The following RAB38 variants were observed in gnomAD, a reference collection of about 807,000 sequenced individuals.
RAB38 encodes the protein ras-related protein Rab-38.
A neutral mutation model predicts 18.4 loss-of-function variants in RAB38; 15 were observed. The ratio of observed to expected loss-of-function variants is 0.82; its 90% confidence interval spans 0.55 to 1.26. The LOEUF is 1.26. Among genes scored for constraint, RAB38 ranks in the 50% most tolerant of loss-of-function variants. The probability of loss-of-function intolerance (pLI) is 0.00; values close to 1 mark genes in which losing one functional copy is unlikely to be tolerated. For missense variants in RAB38, 294 were observed against 267.4 expected (o/e 1.10, Z -0.69); for synonymous variants, 101 against 104.4 (o/e 0.97, Z 0.20).
chr11:87,943,937 C>T, the RAB38 span, among the ~76,000 whole-genome samples: 60 of 152,232 alleles, frequency 3.9e-4, no homozygotes, highest in Admixed American at 3.7e-3. Context: ...TCCTGTTTGG[C>T]CAATTGGTAG....
At chr11:87,892,208 A>G in the RAB38 span, among the ~76,000 whole-genome samples, 1 of 151,748 alleles carries the variant, frequency 6.6e-6, no homozygotes, top group Admixed American at 6.6e-5. Context: ...GTCCAAGCTC[A>G]CTCACCAAGG....
the RAB38 span, among the ~76,000 whole-genome samples, chr11:87,968,907 G>A: frequency 1.3e-5 from 2 of 152,156 alleles, no homozygotes; most frequent in East Asian, 3.9e-4. Flanking sequence ...ACAGTAGGAG[G>A]ATGGGGGGCA....
At chr11:87,973,694 A>G in the RAB38 span, among the ~76,000 whole-genome samples, 2 of 142,574 alleles carry the variant, frequency 1.4e-5, no homozygotes, top group South Asian at 5.0e-4. Flanking sequence ...GACTGGCTAC[A>G]CACGTGAAAA....
chr11:88,098,616 T>C, the RAB38 span: 1 of 151,994 alleles, frequency 6.6e-6, no homozygotes, highest in African/African-American at 2.4e-5. Context: ...CTGTTTTTAA[T>C]GCAACATAAC....
the RAB38 span, among the ~76,000 whole-genome samples, chr11:88,051,243 A>T: frequency 6.8e-4 from 103 of 152,126 alleles, 1 homozygote; most frequent in African/African-American, 2.4e-3. Flanking sequence ...CTAAAAAGTG[A>T]TCCCCAGGGT....
At chr11:88,033,978 C>T in the RAB38 span, among the ~76,000 whole-genome samples, 2 of 152,222 alleles carry the variant, frequency 1.3e-5, no homozygotes, top group East Asian at 1.9e-4. Flanking sequence ...CTGCCCACCT[C>T]GGCCTCCCAA....
intron 1 of RAB38, among the ~76,000 whole-genome samples, chr11:88,152,619 C>T (rs1472721910): frequency 6.6e-6 from 1 of 152,192 alleles, no homozygotes; most frequent in Non-Finnish European, 1.5e-5. Flanking sequence ...CTAGCACTCA[C>T]ATTTTCTCCT....
At chr11:87,815,592 A>T in the RAB38 span, 1 of 152,214 alleles carries the variant, frequency 6.6e-6, no homozygotes, top group African/African-American at 2.4e-5. Flanking sequence ...AGCTGTGATG[A>T]TGAAGGGTAA....
chr11:88,053,202 G>A, the RAB38 span, among the ~76,000 whole-genome samples: 2 of 92,096 alleles, frequency 2.2e-5, no homozygotes, highest in Non-Finnish European at 4.1e-5. Context: ...CATATATATG[G>A]AATATATATA....
chr11:87,883,720 G>C, the RAB38 span, among the ~76,000 whole-genome samples: 2 of 151,886 alleles, frequency 1.3e-5, no homozygotes, highest in African/African-American at 4.8e-5. Context: ...AGAGAGGTGT[G>C]CCAGTGGAAG....
At chr11:88,028,607 T>C in the RAB38 span, among the ~76,000 whole-genome samples, 1 of 152,028 alleles carries the variant, frequency 6.6e-6, no homozygotes, top group Non-Finnish European at 1.5e-5. Context: ...GCCGATGCGA[T>C]CAACTGGAAG....
the RAB38 span, among the ~76,000 whole-genome samples, chr11:88,040,270 C>T: frequency 6.6e-6 from 1 of 152,188 alleles, no homozygotes; most frequent in African/African-American, 2.4e-5. Flanking sequence ...ATCCTCTCTC[C>T]TTCACTTGTA....
chr11:87,872,243 A>G, the RAB38 span, among the ~76,000 whole-genome samples: 1 of 151,566 alleles, frequency 6.6e-6, no homozygotes, highest in East Asian at 2.0e-4. Context: ...TTTCCCATGA[A>G]GAGACTATTC....
chr11:87,825,988 T>A, the RAB38 span, among the ~76,000 whole-genome samples: 1 of 152,162 alleles, frequency 6.6e-6, no homozygotes, highest in Non-Finnish European at 1.5e-5. Context: ...AAAAATTGTA[T>A]AATATAACTG....
chr11:87,923,232 T>G, the RAB38 span, among the ~76,000 whole-genome samples: 1 of 151,924 alleles, frequency 6.6e-6, no homozygotes, highest in African/African-American at 2.4e-5. Flanking sequence ...GTATTAATAT[T>G]ACCACCTTTG....
At chr11:88,091,588 G>A in the RAB38 span, among the ~76,000 whole-genome samples, 1 of 151,960 alleles carries the variant, frequency 6.6e-6, no homozygotes, top group African/African-American at 2.4e-5. Flanking sequence ...GTTTCTCACT[G>A]TCTCTCATTG....
the RAB38 span, among the ~76,000 whole-genome samples, chr11:87,888,938 G>T: frequency 1.3e-5 from 2 of 151,896 alleles, no homozygotes; most frequent in Non-Finnish European, 2.9e-5. Flanking sequence ...GTGGTTCATT[G>T]TGATGCTTAG....
chr11:88,117,076 C>T (rs1304721945), intron 2 of RAB38, among the ~76,000 whole-genome samples: 1 of 152,078 alleles, frequency 6.6e-6, no homozygotes, highest in East Asian at 1.9e-4. Flanking sequence ...GGTATTAGGC[C>T]TAGGAGAGCG....
the RAB38 span, among the ~76,000 whole-genome samples, chr11:87,977,388 A>ATT: frequency 4.7e-5 from 2 of 42,994 alleles, 1 homozygote; most frequent in South Asian, 1.2e-3. Context: ...ATAAAATATA[A>ATT]TTATATATAT....
Sources: allele counts gnomAD v4.1 joint callset (sites outside exome capture counted in the v4.1 genomes callset), GRCh38; gene constraint gnomAD v4.1.1; transcripts MANE v1.5; gene names NCBI Gene and HGNC (gene_info 2026-07-23, HGNC 2026-07-21).